NFXL1: variants seen among roughly 807,000 people sequenced by gnomAD.
NFXL1 encodes the protein nuclear transcription factor, X-box binding like 1.
A neutral mutation model predicts 123.3 loss-of-function variants in NFXL1; 66 were observed. The ratio of observed to expected loss-of-function variants is 0.54; its 90% CI spans 0.44 to 0.66. The LOEUF is 0.66. Ranked by LOEUF, NFXL1 falls within the 30% of genes least tolerant of loss-of-function variation. The probability of loss-of-function intolerance (pLI) is 0.00; values close to 1 mark genes in which losing one functional copy is unlikely to be tolerated. For synonymous variants in NFXL1, 346 were observed against 360.8 expected, an observed-to-expected ratio of 0.96 and a Z score of 0.46; for missense variants, 944 against 1,125.6, an observed-to-expected ratio of 0.84 and a Z score of 2.31.
intron 4 of NFXL1, among the ~76,000 whole-genome samples, chr4:47,904,107 G>C (rs1737459253): frequency 6.6e-6 from 1 of 152,160 alleles, no homozygotes; most frequent in Non-Finnish European, 1.5e-5. Context: ...TTGGATGCAG[G>C]AGTAAGGGGA....
chr4:47,893,976 T>C (rs1736928573), intron 11 of NFXL1, among the ~76,000 whole-genome samples: 1 of 152,036 alleles, frequency 6.6e-6, no homozygotes, highest in Admixed American at 6.6e-5. Context: ...CAAGAAACTA[T>C]TCTCATTTGA....
At chr4:47,892,932 C>T (rs144914202) in intron 11 of NFXL1, among the ~76,000 whole-genome samples, 1 of 152,024 alleles carries the variant, frequency 6.6e-6, no homozygotes, top group Admixed American at 6.6e-5. Context: ...AATTAGTACA[C>T]AGGGATATTA....
intron 17 of NFXL1, 138 bp downstream of exon 17, chr4:47,878,387 G>A: frequency 3.1e-6 from 2 of 636,736 alleles, no homozygotes; most frequent in Non-Finnish European, 5.4e-6. Context: ...TCTTAGGAAA[G>A]GAAAAGAAGG....
intron 14 of NFXL1, among the ~76,000 whole-genome samples, chr4:47,884,779 T>C (rs1336264132): frequency 6.6e-6 from 1 of 152,164 alleles, no homozygotes; most frequent in Non-Finnish European, 1.5e-5. Context: ...TTACTCACTG[T>C]TGTTCCTCAG....
intron 18 of NFXL1, among the ~76,000 whole-genome samples, chr4:47,872,128 C>T (rs1207015101): frequency 6.6e-6 from 1 of 152,116 alleles, no homozygotes; most frequent in Non-Finnish European, 1.5e-5. Flanking sequence ...AACAGCAACG[C>T]TTGTAATAAA....
At chr4:47,905,379 A>C in intron 3 of NFXL1, 33 bp from the exon 4 acceptor site, 1 of 1,047,388 alleles carries the variant, frequency 9.5e-7, no homozygotes. Context: ...TCTCACCCTA[A>C]ACAACATCTG....
At position 47,900,559 on chromosome 4, in the gene NFXL1, A is replaced by C. The variant is rs1257575842; in HGVS notation, c.648-1011T>G. Among the ~76,000 whole-genome samples, 3 of 152,190 alleles carry C rather than the reference A, an allele frequency of 2.0e-5. No homozygotes were observed. The East Asian group carries it at 5.8e-4, about 29-fold the overall frequency. ...GCCTAAGTCAAAGAAAAGTTCAAAT[A>C]CCATGAAAGACTTTAAACTTCCATC... is the stretch of plus-strand genomic sequence containing the variant. On this transcript the variant is annotated intron_variant, in intron 5 of 22. Coordinates refer to ENST00000507489, the MANE Select transcript of NFXL1 (RefSeq NM_001278624.2).
At chr4:47,913,028 A>G (rs1447670415) in intron 2 of NFXL1, among the ~76,000 whole-genome samples, 1 of 151,404 alleles carries the variant, frequency 6.6e-6, no homozygotes, top group African/African-American at 2.4e-5. Context: ...AAAAAAAAAA[A>G]AAAAAAGTTT....
chr4:47,902,928 T>C (rs535189156), intron 5 of NFXL1, among the ~76,000 whole-genome samples: 1 of 152,030 alleles, frequency 6.6e-6, no homozygotes, highest in Non-Finnish European at 1.5e-5. Flanking sequence ...TTTTTTGGGG[T>C]GGGTCACCTG....
At chr4:47,858,866 A>T (rs1734565611) in intron 19 of NFXL1, among the ~76,000 whole-genome samples, 1 of 152,156 alleles carries the variant, frequency 6.6e-6, no homozygotes, top group Non-Finnish European at 1.5e-5. Context: ...ACATATTTAT[A>T]TTATGTATTT....
chr4:47,896,549 G>C lies in NFXL1; in HGVS notation c.1303C>G (p.Arg435Gly). 5.0e-6 allele frequency: 8 copies of C among 1,613,142 alleles called. No homozygotes were observed. The highest frequency in any genetic ancestry group is 5.9e-6 in the Non-Finnish European group (7 of 1,179,270). Reference protein sequence around the residue: ...GIHRCSQRCHRGPCETCRQEV... With the variant: ...GIHRCSQRCHGGPCETCRQEV... ...TGTCTACATGTTTCACAGGGACCTC[G>C]GTGACAACGCTGTGAACATCTATGG... is the stretch of plus-strand genomic sequence containing the variant. Residue 435 changes from arginine to glycine, a missense_variant, in exon 10 of 23, where the codon CGA (arginine) becomes GGA (glycine). By Grantham distance (125) the Arg-to-Gly change is moderately radical. Coordinates refer to ENST00000507489, the MANE Select transcript of NFXL1 (RefSeq NM_001278624.2).
In NFXL1 at chr4:47,896,562, T is replaced by C. The variant is rs759096191; in HGVS notation, c.1290A>G (p.Ser430=). ...CACAGGGACCTCGGTGACAACGCTG[T>C]GAACATCTATGGATTCCGCATTCAA... is the stretch of plus-strand genomic sequence containing the variant. The part of the protein sequence containing the change: ...KVLECGIHRC[S]QRCHRGPCET... The change falls in exon 10 of 23, where the codon TCA becomes TCG. Residue 430 remains serine, a synonymous_variant. Transcript: ENST00000507489. The C allele has an allele frequency of 4.3e-6, 7 of 1,613,380 alleles. No individual in the cohort carries two copies. Among genetic ancestry groups the C allele is most frequent in the Non-Finnish European group, 8.5e-7 (1 of 1,179,488 alleles).
At chr4:47,886,797 G>C (rs1266790869) in intron 12 of NFXL1, among the ~76,000 whole-genome samples, 1 of 152,104 alleles carries the variant, frequency 6.6e-6, no homozygotes, top group East Asian at 1.9e-4. Context: ...ACTAAAACAA[G>C]CAAAAATGGA....
chr4:47,913,773 G>C (rs1039762836), intron 2 of NFXL1, among the ~76,000 whole-genome samples, 196 bp downstream of exon 2: 8 of 152,206 alleles, frequency 5.3e-5, no homozygotes, highest in Non-Finnish European at 1.2e-4. Flanking sequence ...AAATTAAGAT[G>C]AAAGAGGTGC....
At position 47,898,054 on chromosome 4, in the gene NFXL1, T is replaced by C. The variant is rs769496566; in HGVS notation, c.1117A>G (p.Asn373Asp). Residue 373 changes from asparagine to aspartate, a missense_variant, in exon 9 of 23, where the codon AAT becomes GAT. Physicochemically the swap from Asn to Asp is conservative, Grantham distance 23. Coordinates refer to ENST00000507489, the MANE Select transcript of NFXL1 (RefSeq NM_001278624.2). ...TGGCAAACTTGCTCACATGTGTGAT[T>C]ACCACATGGCAGTGTTTTTCCACAT... is the stretch of plus-strand genomic sequence containing the variant. The part of the protein sequence containing the change: ...QVCGKTLPCG[N>D]HTCEQVCHVG... The C allele has an allele frequency of 2.5e-6, 4 of 1,610,800 alleles. 1 individual carries two copies. The South Asian group carries it at 4.4e-5, about 18-fold the overall frequency.
chr4:47,848,630 C>T (rs1366233756), intron 22 of NFXL1, among the ~76,000 whole-genome samples: 2 of 152,148 alleles, frequency 1.3e-5, no homozygotes, highest in Non-Finnish European at 2.9e-5. Flanking sequence ...TGGCTCACGC[C>T]TGTAATCCCA....
intron 9 of NFXL1, among the ~76,000 whole-genome samples, chr4:47,897,395 C>T (rs1221153998): frequency 6.6e-6 from 1 of 152,150 alleles, no homozygotes; most frequent in African/African-American, 2.4e-5. Flanking sequence ...TAGTCTTATA[C>T]ATATGATGCT....
chr4:47,860,281 C>T (rs1054625544), intron 19 of NFXL1, among the ~76,000 whole-genome samples: 5 of 152,076 alleles, frequency 3.3e-5, no homozygotes, highest in Non-Finnish European at 1.5e-5. Flanking sequence ...ACTGAAGCCC[C>T]ATACCATGTA....
intron 11 of NFXL1, among the ~76,000 whole-genome samples, chr4:47,891,323 G>A (rs1463896128): frequency 6.6e-6 from 1 of 151,940 alleles, no homozygotes; most frequent in Non-Finnish European, 1.5e-5. Flanking sequence ...TGTTGCCCAG[G>A]CTGCTCTCAA....
Sources: gnomAD v4.1 joint callset for allele counts (sites outside exome capture counted in the v4.1 genomes callset) on GRCh38, gnomAD v4.1.1 for gene constraint, MANE v1.5 for transcripts, NCBI Gene and HGNC (gene_info 2026-07-23, HGNC 2026-07-21) for gene names.